The following ERG variants were observed in gnomAD, a reference collection of about 807,000 sequenced individuals.
The protein encoded by ERG is transcriptional regulator ERG.
ERG carries 9 observed loss-of-function variants against 55.3 expected under a neutral mutation model. That is an observed-to-expected ratio of 0.16 (90% CI 0.10 to 0.28). The LOEUF is 0.28. Among genes scored for constraint, ERG ranks in the 10% least tolerant of loss-of-function variants. The pLI is 1.00. For missense variants in ERG, 434 were observed against 631.6 expected, an observed-to-expected ratio of 0.69 and a Z score of 3.35; for synonymous variants, 223 against 237.3, an observed-to-expected ratio of 0.94 and a Z score of 0.55.
At chr21:38,368,116 T>A in the ERG span, among the ~76,000 whole-genome samples, 2 of 152,110 alleles carry the variant, frequency 1.3e-5, no homozygotes, top group Non-Finnish European at 2.9e-5. Flanking sequence ...ACAAAGAGAA[T>A]TAGAACATTG....
intron 2 of ERG, among the ~76,000 whole-genome samples, chr21:38,433,325 AC>A (rs1180305752): frequency 2.6e-5 from 4 of 152,220 alleles, no homozygotes; most frequent in African/African-American, 9.7e-5. Flanking sequence ...CAGGAGCTGG[AC>A]CACTGGGGAA....
chr21:38,591,720 A>G (rs1205852916), intron 1 of ERG, among the ~76,000 whole-genome samples: 1 of 151,690 alleles, frequency 6.6e-6, no homozygotes. Context: ...AAACAAAACC[A>G]AAAAAACAAT....
chr21:38,580,103 A>G (rs1361998034), intron 1 of ERG, among the ~76,000 whole-genome samples: 1 of 151,954 alleles, frequency 6.6e-6, no homozygotes, highest in African/African-American at 2.4e-5. Context: ...TACAGGCGTG[A>G]GCCACCACGC....
intron 2 of ERG, among the ~76,000 whole-genome samples, chr21:38,510,834 T>C (rs536087498): frequency 7.9e-5 from 12 of 152,328 alleles, no homozygotes; most frequent in African/African-American, 2.6e-4. Flanking sequence ...GATTTTCTCC[T>C]ATAAGAGCCA....
chr21:38,457,857 T>C (rs951429406), intron 1 of ERG, among the ~76,000 whole-genome samples: 9 of 152,206 alleles, frequency 5.9e-5, no homozygotes, highest in African/African-American at 1.7e-4. Context: ...GTAAGCCTTA[T>C]GGGAGCGTCA....
At chr21:38,558,075 A>G (rs1601239023) in intron 2 of ERG, among the ~76,000 whole-genome samples, 1 of 151,772 alleles carries the variant, frequency 6.6e-6, no homozygotes, top group African/African-American at 2.4e-5. Context: ...GGGGTCCTAC[A>G]GTTTTGGCAG....
At chr21:38,375,860 C>G (rs556328633), downstream of ERG, among the ~76,000 whole-genome samples, 1 of 152,132 alleles carries the variant, frequency 6.6e-6, no homozygotes, top group Non-Finnish European at 1.5e-5. Flanking sequence ...TGCTCATTAT[C>G]CTCCTGCACC....
the ERG span, among the ~76,000 whole-genome samples, chr21:38,368,104 C>T: frequency 2.0e-5 from 3 of 152,140 alleles, no homozygotes; most frequent in Non-Finnish European, 4.4e-5. Context: ...GAAAACACTA[C>T]CACAAAGAGA....
In ERG at chr21:38,380,480, A is replaced by G. The variant is rs895689183; in HGVS notation, c.*2923T>C. The G allele has an allele frequency of 1.5e-5, 16 of 1,065,142 alleles. No homozygotes were observed. The highest frequency in any genetic ancestry group is 5.7e-6 in the Non-Finnish European group (5 of 879,232). The allele number at this position is 1,065,142 out of a possible 1,614,324, so 66.0% of individuals were successfully genotyped here. On this transcript the variant is annotated 3_prime_UTR_variant, in exon 10 of 10. Transcript: ENST00000288319. ...GGCCCGAAAGCCAATTGAAGACAAG[A>G]AAAGAAGACAAATCTCTTGCCAGCA...
chr21:38,624,703 GT>G (rs558306771), intron 1 of ERG, among the ~76,000 whole-genome samples: 4 of 152,246 alleles, frequency 2.6e-5, no homozygotes, highest in Admixed American at 2.6e-4. Flanking sequence ...GTATCTCAAT[GT>G]TCTTGTCTGT....
chr21:38,604,481 T>G (rs1016662017), intron 1 of ERG, among the ~76,000 whole-genome samples: 4 of 147,882 alleles, frequency 2.7e-5, no homozygotes, highest in Non-Finnish European at 4.4e-5. Context: ...CAATTTTGAG[T>G]TTTTAAATAA....
intron 2 of ERG, among the ~76,000 whole-genome samples, chr21:38,514,750 A>C (rs1261312075): frequency 2.0e-5 from 3 of 151,988 alleles, no homozygotes. Flanking sequence ...CTTAGTTAGT[A>C]AAGAAGGCAA....
chr21:38,613,212 G>C (rs1381361035), intron 1 of ERG, among the ~76,000 whole-genome samples: 1 of 152,208 alleles, frequency 6.6e-6, no homozygotes, highest in African/African-American at 2.4e-5. Flanking sequence ...ATCACAAATA[G>C]ACCAAGCAGT....
At chr21:38,544,906 C>T (rs1030111887) in intron 2 of ERG, among the ~76,000 whole-genome samples, 2 of 152,124 alleles carry the variant, frequency 1.3e-5, no homozygotes, top group African/African-American at 2.4e-5. Flanking sequence ...CCACAGTCAG[C>T]TCACTGTGCT....
chr21:38,543,646 C>T (rs2059769374), intron 2 of ERG, among the ~76,000 whole-genome samples: 1 of 148,278 alleles, frequency 6.7e-6, no homozygotes. Flanking sequence ...AAGAGACGTA[C>T]AGTAAAGAAA....
At chr21:38,661,084 T>G (rs2060552921) in intron 1 of ERG, among the ~76,000 whole-genome samples, 28 of 138,688 alleles carry the variant, frequency 2.0e-4, no homozygotes, top group South Asian at 7.1e-4. Flanking sequence ...GAGGAGAGAG[T>G]CCGGCCCCAG....
chr21:38,487,788 G>C (rs2059300078), intron 1 of ERG, among the ~76,000 whole-genome samples: 1 of 152,214 alleles, frequency 6.6e-6, no homozygotes, highest in African/African-American at 2.4e-5. Context: ...ATTCAAACAG[G>C]ATACTGAGAT....
intron 1 of ERG, among the ~76,000 whole-genome samples, chr21:38,496,829 T>TTTTTAATG (rs2059383469): frequency 6.6e-6 from 1 of 152,234 alleles, no homozygotes; most frequent in Non-Finnish European, 1.5e-5. Flanking sequence ...TATTTCAATG[T>TTTTTAATG]CCTTTTTAAT....
At chr21:38,645,146 G>A (rs1011126183) in intron 1 of ERG, among the ~76,000 whole-genome samples, 3 of 152,048 alleles carry the variant, frequency 2.0e-5, no homozygotes, top group Non-Finnish European at 2.9e-5. Context: ...GTGACAGAAT[G>A]AGACTCTGTC....
Sources: allele counts gnomAD v4.1 joint callset (sites outside exome capture counted in the v4.1 genomes callset), GRCh38; gene constraint gnomAD v4.1.1; transcripts MANE v1.5; gene names NCBI Gene and HGNC (gene_info 2026-07-23, HGNC 2026-07-21).